Variants in PCDH7 observed in about 807,000 individuals in gnomAD.
The protein encoded by PCDH7 is protocadherin 7.
PCDH7 carries 17 observed loss-of-function variants against 58.9 expected under a neutral mutation model. The ratio of observed to expected loss-of-function variants is 0.29; its 90% CI spans 0.20 to 0.43. The LOEUF is 0.43. Among genes scored for constraint, PCDH7 ranks in the 20% least tolerant of loss-of-function variants. The pLI, the probability that PCDH7 is intolerant of heterozygous loss-of-function variation, is 1.00. For missense variants in PCDH7, 1,274 were observed against 1,441.0 expected, an observed-to-expected ratio of 0.88 and a Z score of 1.88; for synonymous variants, 664 against 616.4, an observed-to-expected ratio of 1.08 and a Z score of -1.14.
At chr4:31,073,916 A>G (rs1758762633) in intron 3 of PCDH7, among the ~76,000 whole-genome samples, 1 of 152,016 alleles carries the variant, frequency 6.6e-6, no homozygotes, top group Admixed American at 6.6e-5. Context: ...CATACTCCTA[A>G]CTTTGTCTCC....
chr4:31,132,262 C>T (rs1441561988), intron 3 of PCDH7, among the ~76,000 whole-genome samples: 1 of 152,050 alleles, frequency 6.6e-6, no homozygotes, highest in Admixed American at 6.6e-5. Context: ...ATATCTATTA[C>T]ATTTTTTCAA....
At chr4:30,974,037 A>G (rs1749831276) in intron 3 of PCDH7, among the ~76,000 whole-genome samples, 1 of 151,744 alleles carries the variant, frequency 6.6e-6, no homozygotes, top group African/African-American at 2.4e-5. Flanking sequence ...CTTCTAGCTC[A>G]AATCTTCTCT....
At chr4:30,742,359 G>A (rs1717193393) in intron 1 of PCDH7, among the ~76,000 whole-genome samples, 1 of 152,070 alleles carries the variant, frequency 6.6e-6, no homozygotes, top group African/African-American at 2.4e-5. Context: ...CACCCTGGAG[G>A]GATATGAAGT....
chr4:31,119,857 A>T lies in PCDH7; in HGVS notation c.*8-22616A>T, dbSNP rs1029587416. On this transcript the variant is annotated intron_variant, in intron 3 of 3. Transcript: ENST00000509759. ...TGCCAGAAGGTCTTACGCCAGTTAAATTCTGCCATTTTCCCTCTTAGTGCG... is the reference window on the plus strand; with the variant it reads ...TGCCAGAAGGTCTTACGCCAGTTAATTTCTGCCATTTTCCCTCTTAGTGCG... 2.6e-5 allele frequency among the ~76,000 whole-genome samples: 4 copies of T among 151,830 alleles called. No homozygotes were observed. The South Asian group carries it at 6.2e-4, about 24-fold the overall frequency.
chr4:31,136,273 A>C (rs1719590627), intron 3 of PCDH7, among the ~76,000 whole-genome samples: 2 of 152,230 alleles, frequency 1.3e-5, no homozygotes, highest in Admixed American at 1.3e-4. Context: ...CTGTATAGAC[A>C]TTAACTCTTT....
chr4:31,058,040 A>G (rs1323343344), intron 3 of PCDH7, among the ~76,000 whole-genome samples: 1 of 152,134 alleles, frequency 6.6e-6, no homozygotes, highest in East Asian at 1.9e-4. Context: ...GAAAGCAATA[A>G]GATTCCAATG....
intron 3 of PCDH7, among the ~76,000 whole-genome samples, chr4:31,016,271 A>G (rs1197708336): frequency 2.6e-5 from 4 of 152,174 alleles, no homozygotes; most frequent in Admixed American, 6.6e-5. Context: ...TGACTAAGAA[A>G]CAGGTTGTGA....
At chr4:31,097,742 A>G (rs2109296140) in intron 3 of PCDH7, among the ~76,000 whole-genome samples, 1 of 150,138 alleles carries the variant, frequency 6.7e-6, no homozygotes, top group Non-Finnish European at 1.5e-5. Context: ...TAATTTAAAA[A>G]CCAGCTAGCT....
At chr4:31,132,992 T>C (rs1432297082) in intron 3 of PCDH7, among the ~76,000 whole-genome samples, 1 of 152,236 alleles carries the variant, frequency 6.6e-6, no homozygotes, top group Non-Finnish European at 1.5e-5. Context: ...TTACCTAAAA[T>C]ATTGACATAA....
intron 1 of PCDH7, among the ~76,000 whole-genome samples, chr4:30,873,829 TTTTA>T (rs1316417072): frequency 2.0e-5 from 3 of 151,856 alleles, no homozygotes; most frequent in Non-Finnish European, 4.4e-5. Flanking sequence ...ATTTGGAGGC[TTTTA>T]TTTATTTTTA....
At chr4:30,874,765 G>C (rs1191890258) in intron 1 of PCDH7, among the ~76,000 whole-genome samples, 1 of 151,234 alleles carries the variant, frequency 6.6e-6, no homozygotes, top group East Asian at 1.9e-4. Flanking sequence ...TAGAGATGTT[G>C]TGAATTTTAA....
chr4:31,082,967 G>GT (rs1438799722), intron 3 of PCDH7, among the ~76,000 whole-genome samples: 5 of 152,222 alleles, frequency 3.3e-5, no homozygotes, highest in African/African-American at 1.2e-4. Context: ...AATTAGCTGG[G>GT]TGTGGTGGTG....
intron 3 of PCDH7, among the ~76,000 whole-genome samples, chr4:31,128,245 T>C (rs1250935268): frequency 6.6e-6 from 1 of 152,052 alleles, no homozygotes; most frequent in Non-Finnish European, 1.5e-5. Flanking sequence ...GCTCCTTAAA[T>C]GGATTCAGTC....
intron 2 of PCDH7, among the ~76,000 whole-genome samples, chr4:30,923,147 T>C (rs1312637756): frequency 1.3e-5 from 2 of 152,154 alleles, no homozygotes; most frequent in Admixed American, 6.6e-5. Context: ...TTCCTAATTA[T>C]TATTACCTCA....
At chr4:31,000,145 G>A (rs1434895697) in intron 3 of PCDH7, among the ~76,000 whole-genome samples, 2 of 152,036 alleles carry the variant, frequency 1.3e-5, no homozygotes, top group East Asian at 1.9e-4. Flanking sequence ...AAAATTTCAT[G>A]GTCCCATCTG....
chr4:30,907,109 A>G (rs1425935319), intron 1 of PCDH7, among the ~76,000 whole-genome samples: 10 of 152,148 alleles, frequency 6.6e-5, no homozygotes. Flanking sequence ...AAGGAAAAAT[A>G]TTATTAAACC....
At chr4:30,959,963 T>C (rs2109458058) in intron 3 of PCDH7, among the ~76,000 whole-genome samples, 1 of 152,222 alleles carries the variant, frequency 6.6e-6, no homozygotes, top group East Asian at 1.9e-4. Flanking sequence ...TGTTAAATTT[T>C]GATAGTCTAA....
chr4:31,055,877 C>T (rs1372554814), intron 3 of PCDH7, among the ~76,000 whole-genome samples: 1 of 152,080 alleles, frequency 6.6e-6, no homozygotes, highest in Non-Finnish European at 1.5e-5. Context: ...CACCTGCACC[C>T]AGCCATATAA....
chr4:30,898,707 G>A (rs1056012644), intron 1 of PCDH7, among the ~76,000 whole-genome samples: 5 of 152,066 alleles, frequency 3.3e-5, no homozygotes, highest in Non-Finnish European at 7.4e-5. Context: ...TGTCCTGCGT[G>A]AGCCTCCCGA....
Sources: allele counts gnomAD v4.1 joint callset (sites outside exome capture counted in the v4.1 genomes callset), GRCh38; gene constraint gnomAD v4.1.1; transcripts MANE v1.5; gene names NCBI Gene and HGNC (gene_info 2026-07-23, HGNC 2026-07-21).